Variants in RNF168 observed in about 807,000 individuals in gnomAD.
RNF168 encodes the protein ring finger protein 168.
In RNF168, 34 loss-of-function variants were observed where a neutral mutation model predicts 34.9. That is an observed-to-expected ratio of 0.97 (90% confidence interval 0.74 to 1.30). The LOEUF is 1.30. RNF168 is among the 50% of genes most tolerant of loss of function. The probability of loss-of-function intolerance (pLI) is 0.00; values close to 1 mark genes in which losing one functional copy is unlikely to be tolerated. For synonymous variants in RNF168, 264 were observed against 254.7 expected, an observed-to-expected ratio of 1.04 and a Z score of -0.35; for missense variants, 725 against 682.5, an observed-to-expected ratio of 1.06 and a Z score of -0.69.
chr3:196,489,544 T>TCA (rs1732541002), intron 1 of RNF168, among the ~76,000 whole-genome samples: 1 of 151,668 alleles, frequency 6.6e-6, no homozygotes, highest in Non-Finnish European at 1.5e-5. Flanking sequence ...CCAGGCTGGT[T>TCA]TCGAACTCCT....
At chr3:196,478,375 T>C (rs1358053568) in intron 4 of RNF168, among the ~76,000 whole-genome samples, 1 of 152,188 alleles carries the variant, frequency 6.6e-6, no homozygotes, top group Non-Finnish European at 1.5e-5. Context: ...GTTCAAATCA[T>C]GTTCAAATAA....
rs73891262 is a variant in RNF168 at position 196,490,337 on chromosome 3, A to C, written c.302-1654T>G. Among the ~76,000 whole-genome samples, 621 of 152,330 alleles carry C rather than the reference A, an allele frequency of 4.1e-3. 8 individuals are homozygous for C. The highest frequency in any genetic ancestry group is 0.014 in the African/African-American group (576 of 41,572). On this transcript the variant is annotated intron_variant, in intron 1 of 5. Coordinates refer to ENST00000318037, the MANE Select transcript of RNF168 (RefSeq NM_152617.4). ...AAGTGTAAAAAGGGAACATCCAAAAAAGAGAACGCATCTGTCTGTTTCAAG... is the reference window on the plus strand; with the variant it reads ...AAGTGTAAAAAGGGAACATCCAAAACAGAGAACGCATCTGTCTGTTTCAAG...
At chr3:196,492,088 T>C (rs1291609976) in intron 1 of RNF168, among the ~76,000 whole-genome samples, 1 of 152,206 alleles carries the variant, frequency 6.6e-6, no homozygotes, top group Non-Finnish European at 1.5e-5. Context: ...ATGAATGTAC[T>C]TCATGTCACG....
chr3:196,469,258 GTTTA>G lies in RNF168; in HGVS notation c.*2557_*2560del, dbSNP rs767999772. On this transcript the variant is annotated 3_prime_UTR_variant, in exon 6 of 6. Transcript: ENST00000318037. ...TCTTAGCCTGTCTCAGACAAATTTG[GTTTA>G]TTTATTTTTACTTAACGACCCATGT... 11 of 152,116 alleles carry G rather than the reference GTTTA, an allele frequency of 7.2e-5. No homozygotes were observed. The highest frequency in any genetic ancestry group is 1.3e-4 in the Non-Finnish European group (9 of 68,018). The allele number at this position is 152,116 out of a possible 1,614,324, so 9.4% of individuals were successfully genotyped here. A position where few individuals can be genotyped will look rare whatever the true frequency, so the allele number is the denominator to read the frequency against.
Position 196,475,265 on chromosome 3 carries a change from G to C in RNF168, c.728C>G (p.Ala243Gly). The C allele has an allele frequency of 6.2e-7, 1 of 1,610,630 alleles. No homozygotes were observed. The highest frequency in any genetic ancestry group is 8.5e-7 in the Non-Finnish European group (1 of 1,176,854). The change falls in exon 5 of 6, where the codon GCT (alanine) becomes GGT (glycine). Residue 243 changes from alanine to glycine, a missense_variant. Ala to Gly is a moderately conservative substitution (Grantham distance 60). Coordinates refer to ENST00000318037, the MANE Select transcript of RNF168 (RefSeq NM_152617.4). ...SQFGSASHSE[A>G]VQEVRKDSVS... ...GGAGTCTTTCCTGACTTCTTGTACA[G>C]CTTCAGAGTGTGAGGCTGACCCAAA... is the stretch of plus-strand genomic sequence containing the variant.
At chr3:196,484,464 G>A (rs1277998789) in intron 3 of RNF168, among the ~76,000 whole-genome samples, 8 of 140,418 alleles carry the variant, frequency 5.7e-5, no homozygotes, top group South Asian at 2.3e-4. Context: ...ATGAGGCACC[G>A]CGCCCGGCCT....
intron 1 of RNF168, among the ~76,000 whole-genome samples, chr3:196,501,790 TTA>T (rs1351223421): frequency 1.3e-5 from 2 of 152,000 alleles, no homozygotes; most frequent in East Asian, 3.9e-4. Context: ...TTTACTGAAT[TTA>T]TGTTACCCAG....
At chr3:196,495,592 G>A (rs185515782) in intron 1 of RNF168, among the ~76,000 whole-genome samples, 116 of 152,220 alleles carry the variant, frequency 7.6e-4, no homozygotes, top group African/African-American at 2.7e-3. Context: ...CCTTATACTC[G>A]TCCTATCAGG....
At chr3:196,488,707 T>A in intron 1 of RNF168, 24 bp from the exon 2 acceptor site, 1 of 1,487,422 alleles carries the variant, frequency 6.7e-7, no homozygotes, top group Non-Finnish European at 9.4e-7. Context: ...AAAAAGAAAA[T>A]AACATTATAG....
chr3:196,490,048 A>G (rs1430300556), intron 1 of RNF168, among the ~76,000 whole-genome samples: 1 of 152,180 alleles, frequency 6.6e-6, no homozygotes, highest in East Asian at 1.9e-4. Context: ...CTTGAACTCA[A>G]CGTCTGCCCA....
In RNF168 at chr3:196,503,026, A is replaced by G. The variant is rs1481928994; in HGVS notation, c.148T>C (p.Cys50Arg). 6.8e-6 allele frequency: 11 copies of G among 1,614,180 alleles called. No individual in the cohort carries two copies. Among genetic ancestry groups the G allele is most frequent in the Non-Finnish European group, 9.3e-6 (11 of 1,180,056 alleles). ...FQSTVEKASL[C>R]CPFCRRRVSS... ...ACCCGGCGGCGACAGAAGGGACAGC[A>G]TAAACTCGCCTTTTCGACGGTCGAC... Residue 50 changes from cysteine to arginine, a missense_variant, in exon 1 of 6, where the codon TGC (cysteine) becomes CGC (arginine). Coordinates refer to ENST00000318037, the MANE Select transcript of RNF168 (RefSeq NM_152617.4).
At chr3:196,491,799 C>T (rs934160181) in intron 1 of RNF168, among the ~76,000 whole-genome samples, 3 of 151,766 alleles carry the variant, frequency 2.0e-5, no homozygotes, top group East Asian at 1.9e-4. Context: ...ATGGAGTATG[C>T]GGCCAAAAAA....
Position 196,472,339 on chromosome 3 carries a change from T to C in RNF168, c.1196A>G (p.Lys399Arg). ...TCTTTTTGCAGAAAAGCATGGATCC[T>C]TGACTGCTTCAAAGGAAGATTCTTG... ...KNQESSFEAVKDPCFSAKRRK... is the reference protein window; with the variant it reads ...KNQESSFEAVRDPCFSAKRRK... Residue 399 changes from lysine to arginine, a missense_variant, in exon 6 of 6, where the codon AAG becomes AGG. Coordinates refer to ENST00000318037, the MANE Select transcript of RNF168 (RefSeq NM_152617.4). The C allele has an allele frequency of 6.2e-7, 1 of 1,614,158 alleles. No individual in the cohort carries two copies. The highest frequency in any genetic ancestry group is 8.5e-7 in the Non-Finnish European group (1 of 1,179,994).
chr3:196,482,710 A>G (rs1472756409), intron 4 of RNF168, among the ~76,000 whole-genome samples: 1 of 152,222 alleles, frequency 6.6e-6, no homozygotes, highest in Non-Finnish European at 1.5e-5. Context: ...GATGTTAAAC[A>G]TATTTTCGTG....
chr3:196,501,965 TA>T (rs1411836952), intron 1 of RNF168, among the ~76,000 whole-genome samples: 1 of 146,988 alleles, frequency 6.8e-6, no homozygotes, highest in East Asian at 2.0e-4. Flanking sequence ...AACTATTGTT[TA>T]AAAATGTTTA....
In RNF168 at chr3:196,487,458, C is replaced by T. The variant is rs114243721; in HGVS notation, c.499G>A (p.Ala167Thr). The T allele has an allele frequency of 1.0e-3, 1,668 of 1,614,186 alleles. 13 individuals are homozygous for T. The African/African-American group carries it at 0.018, about 18-fold the overall frequency. Residue 167 changes from alanine to threonine, a missense_variant, in exon 3 of 6, where the codon GCG becomes ACG. Ala to Thr is a moderately conservative substitution (Grantham distance 58, BLOSUM62 0). Coordinates refer to ENST00000318037, the MANE Select transcript of RNF168 (RefSeq NM_152617.4). The stretch of plus-strand genomic sequence containing the variant: ...TCACTTTTCAGTTGTTCTTCCATCG[C>T]TCTTCGCCTTTTTTCTGCCTGTCTT... ...EKRQAEKRRR[A>T]MEEQLKSDEE...
At chr3:196,490,316 G>C (rs1191734016) in intron 1 of RNF168, among the ~76,000 whole-genome samples, 1 of 152,178 alleles carries the variant, frequency 6.6e-6, no homozygotes, top group African/African-American at 2.4e-5. Context: ...TTTATAAAGT[G>C]TAAAAAGGGA....
intron 1 of RNF168, among the ~76,000 whole-genome samples, chr3:196,500,576 T>G (rs984739373): frequency 6.6e-6 from 1 of 152,164 alleles, no homozygotes; most frequent in Admixed American, 6.5e-5. Context: ...AGATGGACGG[T>G]GGTGACGGAT....
intron 4 of RNF168, among the ~76,000 whole-genome samples, chr3:196,476,421 T>TC (rs1732151605): frequency 6.6e-6 from 1 of 151,352 alleles, no homozygotes; most frequent in African/African-American, 2.4e-5. Flanking sequence ...CTCTCTTCTT[T>TC]TTTTTTTTTT....
Sources: gnomAD v4.1 joint callset for allele counts (sites outside exome capture counted in the v4.1 genomes callset) on GRCh38, gnomAD v4.1.1 for gene constraint, MANE v1.5 for transcripts, NCBI Gene and HGNC (gene_info 2026-07-23, HGNC 2026-07-21) for gene names.